The following CCN4 variants were observed in gnomAD, a reference collection of about 807,000 sequenced individuals.
The protein encoded by CCN4 is CCN family member 4.
CCN4 carries 30 observed loss-of-function variants against 36.7 expected under a neutral mutation model. That is an observed-to-expected ratio of 0.82 (90% confidence interval 0.61 to 1.11). The LOEUF is 1.11. CCN4 is among the 50% of genes least tolerant of loss of function. The pLI is 0.00. For missense variants in CCN4, 505 were observed against 504.9 expected (o/e 1.00, Z 0.00); for synonymous variants, 191 against 195.4 (o/e 0.98, Z 0.19).
chr8:133,217,773 G>A (rs1854373106), intron 2 of CCN4, among the ~76,000 whole-genome samples: 1 of 152,152 alleles, frequency 6.6e-6, no homozygotes, highest in Non-Finnish European at 1.5e-5. Flanking sequence ...GGCCTGGCAT[G>A]AGCATCACAA....
At chr8:133,204,298 G>A (rs980084909) in intron 1 of CCN4, among the ~76,000 whole-genome samples, 5 of 152,290 alleles carry the variant, frequency 3.3e-5, no homozygotes, top group Admixed American at 2.6e-4. Flanking sequence ...ATCACAGAAT[G>A]CGGTATGTTC....
chr8:133,210,740 C>A lies in CCN4; in HGVS notation c.70-2124C>A, dbSNP rs773547001. On this transcript the variant is annotated intron_variant, in intron 1 of 4. Coordinates refer to ENST00000250160, the MANE Select transcript of CCN4 (RefSeq NM_003882.4). ...GGGGGCCTGCCCCATCCTGCCCTCA[C>A]CCCATGGAGTTCACCGGCATTAACC... Among the ~76,000 whole-genome samples, 255 of 152,324 alleles carry A rather than the reference C, an allele frequency of 1.7e-3. 6 individuals are homozygous for A. Among genetic ancestry groups the A allele is most frequent in the Middle Eastern group, 3.4e-3 (1 of 294 alleles).
intron 1 of CCN4, among the ~76,000 whole-genome samples, chr8:133,195,594 C>T (rs1237681280): frequency 6.6e-6 from 1 of 152,134 alleles, no homozygotes; most frequent in Non-Finnish European, 1.5e-5. Flanking sequence ...GCCCCTCCAG[C>T]CGACAGCTTA....
intron 1 of CCN4, among the ~76,000 whole-genome samples, chr8:133,197,463 C>G (rs1051694241): frequency 6.6e-6 from 1 of 152,110 alleles, no homozygotes; most frequent in African/African-American, 2.4e-5. Flanking sequence ...AACCAGCACC[C>G]TGATGATTCT....
At chr8:133,218,019 G>A (rs934002274) in intron 2 of CCN4, among the ~76,000 whole-genome samples, 2 of 152,046 alleles carry the variant, frequency 1.3e-5, no homozygotes, top group African/African-American at 2.4e-5. Context: ...GCAAAGATGA[G>A]TGATTCACCC....
At chr8:133,218,203 A>G (rs1854396702) in intron 2 of CCN4, among the ~76,000 whole-genome samples, 2 of 152,134 alleles carry the variant, frequency 1.3e-5, no homozygotes, top group Non-Finnish European at 2.9e-5. Flanking sequence ...TTTCCTGTCC[A>G]TCAAAGGAGA....
chr8:133,204,822 C>A (rs1487002135), intron 1 of CCN4, among the ~76,000 whole-genome samples: 1 of 152,246 alleles, frequency 6.6e-6, no homozygotes, highest in Non-Finnish European at 1.5e-5. Flanking sequence ...TCCCAAACAG[C>A]TGGGATTACA....
At chr8:133,208,768 C>G (rs1214942645) in intron 1 of CCN4, among the ~76,000 whole-genome samples, 1 of 152,136 alleles carries the variant, frequency 6.6e-6, no homozygotes, top group Non-Finnish European at 1.5e-5. Flanking sequence ...TCTTCAGCCC[C>G]AGCACACACA....
At chr8:133,193,971 A>C (rs1853210051) in intron 1 of CCN4, among the ~76,000 whole-genome samples, 1 of 152,116 alleles carries the variant, frequency 6.6e-6, no homozygotes, top group South Asian at 2.1e-4. Context: ...GTCCCGTTGC[A>C]CCTCAGACCT....
At chr8:133,226,229 C>G (rs964432686) in intron 4 of CCN4, among the ~76,000 whole-genome samples, 1 of 152,144 alleles carries the variant, frequency 6.6e-6, no homozygotes, top group Non-Finnish European at 1.5e-5. Flanking sequence ...GAGTGGTCAG[C>G]CTTTTGTCAC....
chr8:133,213,099 A>T lies in CCN4; in HGVS notation c.305A>T (p.Asp102Val). ...ICDPHRGLYC[D>V]YSGDRPRYAI... Reference sequence around the variant, plus strand: ...GACCCCCACCGGGGCCTCTACTGTGACTACAGCGGGGACCGCCCGAGGTAC... The same window carrying T: ...GACCCCCACCGGGGCCTCTACTGTGTCTACAGCGGGGACCGCCCGAGGTAC... The change falls in exon 2 of 5, where the codon GAC becomes GTC. Residue 102 changes from aspartate (D) to valine (V), a missense_variant. Physicochemically the swap from Asp to Val is radical, Grantham distance 152. Coordinates refer to ENST00000250160, the MANE Select transcript of CCN4 (RefSeq NM_003882.4). 1 of 1,613,876 alleles carries T rather than the reference A, an allele frequency of 6.2e-7. No individual in the cohort carries two copies. The highest frequency in any genetic ancestry group is 1.7e-5 in the Admixed American group (1 of 60,018).
At chr8:133,205,194 G>A (rs1464952358) in intron 1 of CCN4, among the ~76,000 whole-genome samples, 2 of 152,232 alleles carry the variant, frequency 1.3e-5, no homozygotes, top group African/African-American at 4.8e-5. Flanking sequence ...TGGGCATCTT[G>A]CCAGCAGAAG....
At chr8:133,219,731 T>G (rs915603486) in intron 2 of CCN4, among the ~76,000 whole-genome samples, 6 of 152,242 alleles carry the variant, frequency 3.9e-5, no homozygotes, top group African/African-American at 1.4e-4. Flanking sequence ...GCATAATTGT[T>G]CTTCAACAGT....
chr8:133,203,516 T>A (rs1853663010), intron 1 of CCN4, among the ~76,000 whole-genome samples: 2 of 152,294 alleles, frequency 1.3e-5, no homozygotes, highest in South Asian at 4.1e-4. Flanking sequence ...AGCCTCATTT[T>A]CCTCATCTGT....
chr8:133,225,277 C>A, intron 3 of CCN4, 113 bp from the exon 4 acceptor site: 3 of 1,181,012 alleles, frequency 2.5e-6, no homozygotes, highest in Non-Finnish European at 2.4e-6. Context: ...GAGGTACAGC[C>A]AATTTCTGTG....
Position 133,223,641 on chromosome 8 carries a change from T to A in CCN4, c.611-1749T>A, listed in dbSNP as rs200748114. On this transcript the variant is annotated intron_variant, in intron 3 of 4. Coordinates refer to ENST00000250160, the MANE Select transcript of CCN4 (RefSeq NM_003882.4). ...CCTTCCTCCTGTTTCTTTCTCTCTC[T>A]CACACACACACACGCTTTTTCTCTC... 4.7e-3 allele frequency among the ~76,000 whole-genome samples: 714 copies of A among 151,546 alleles called. 8 individuals are homozygous for A. The highest frequency in any genetic ancestry group is 0.015 in the African/African-American group (639 of 41,302).
rs1564267978 is a variant in CCN4 at position 133,225,409 on chromosome 8, G to A, written c.630G>A (p.Glu210=). The A allele has an allele frequency of 6.2e-7, 1 of 1,605,434 alleles. No individual in the cohort carries two copies. The highest frequency in any genetic ancestry group is 2.2e-5 in the East Asian group (1 of 44,640). The change falls in exon 4 of 5, where the codon GAG becomes GAA. Residue 210 remains glutamate, a synonymous_variant. Coordinates refer to ENST00000250160, the MANE Select transcript of CCN4 (RefSeq NM_003882.4). The stretch of plus-strand genomic sequence containing the variant: ...ACACAGATGCTGTGGGTGAGGTGGA[G>A]GCATGGCACAGGAACTGCATAGCCT... The part of the protein sequence containing the change: ...TGAFDAVGEV[E]AWHRNCIAYT...
At chr8:133,226,558 T>A (rs982980500) in intron 4 of CCN4, among the ~76,000 whole-genome samples, 5 of 152,204 alleles carry the variant, frequency 3.3e-5, no homozygotes, top group African/African-American at 1.2e-4. Context: ...TCCATAGACA[T>A]CTCTTAACTG....
intron 1 of CCN4, among the ~76,000 whole-genome samples, chr8:133,203,063 C>A (rs1208318896): frequency 6.6e-6 from 1 of 152,238 alleles, no homozygotes; most frequent in Non-Finnish European, 1.5e-5. Context: ...GCCATTCCTG[C>A]CTCAACCCTG....
Sources: gnomAD v4.1 joint callset for allele counts (sites outside exome capture counted in the v4.1 genomes callset) on GRCh38, gnomAD v4.1.1 for gene constraint, MANE v1.5 for transcripts, NCBI Gene and HGNC (gene_info 2026-07-23, HGNC 2026-07-21) for gene names.